Variants in PLCG1 observed in about 807,000 individuals in gnomAD.
PLCG1 encodes the protein 1-phosphatidylinositol 4,5-bisphosphate phosphodiesterase gamma-1.
Under a neutral mutation model 177.8 loss-of-function variants are expected in PLCG1, and 71 were observed. That is an observed-to-expected ratio of 0.40 (90% confidence interval 0.33 to 0.49). The LOEUF is 0.49. Among genes scored for constraint, PLCG1 ranks in the 20% least tolerant of loss-of-function variants. The pLI is 0.72. For synonymous variants in PLCG1, 658 were observed against 647.9 expected, an observed-to-expected ratio of 1.02 and a Z score of -0.24; for missense variants, 1,281 against 1,709.0, an observed-to-expected ratio of 0.75 and a Z score of 4.42.
At position 41,164,145 on chromosome 20, in the gene PLCG1, G is replaced by A; in HGVS notation, c.1161G>A (p.Lys387=). ...ACCATGGGCACACCCTTACCACCAAGATCAAGTTCTCAGATGTCCTGCACA... is the reference window on the plus strand; with the variant it reads ...ACCATGGGCACACCCTTACCACCAAAATCAAGTTCTCAGATGTCCTGCACA... The part of the protein sequence containing the change: ...VIYHGHTLTT[K]IKFSDVLHTI... The change falls in exon 12 of 32, where the codon AAG becomes AAA. Residue 387 remains lysine (K), a synonymous_variant. Transcript: ENST00000685551. The surrounding 1 kb of genome is among the most constrained non-coding windows in gnomAD (Gnocchi z 6.4). The A allele has an allele frequency of 6.2e-7, 1 of 1,614,158 alleles. No individual in the cohort carries two copies. Among genetic ancestry groups the A allele is most frequent in the Non-Finnish European group, 8.5e-7 (1 of 1,180,026 alleles).
At position 41,159,771 on chromosome 20, in the gene PLCG1, G is replaced by C. The variant is rs144327976; in HGVS notation, c.370+13G>C. On this transcript the variant is annotated intron_variant, in intron 2 of 31. Coordinates refer to ENST00000685551, the MANE Select transcript of PLCG1 (RefSeq NM_002660.3). The surrounding 1 kb of genome is among the most constrained non-coding windows in gnomAD (Gnocchi z 6.0). Reference sequence around the variant, plus strand: ...CTGAGCCTGCAAGGTGGGAGTTAAGGGGGTAGAGGAGGTAGAGGATAGTTA... The same window carrying C: ...CTGAGCCTGCAAGGTGGGAGTTAAGCGGGTAGAGGAGGTAGAGGATAGTTA... 3.5e-4 allele frequency: 561 copies of C among 1,614,186 alleles called. 1 individual carries two copies. In the East Asian group the frequency reaches 4.1e-3, roughly 12 times the overall value.
In PLCG1 at chr20:41,174,604, TC is replaced by T. The variant is rs1341935947; in HGVS notation, c.*97del. Reference sequence around the variant, plus strand: ...TGGAAGCAGCCCCCTGTGGCGGCCTTCCGGGTCTCGCAGCCTGAAGCCTGGA... The same window carrying T: ...TGGAAGCAGCCCCCTGTGGCGGCCTTCGGGTCTCGCAGCCTGAAGCCTGGA... On this transcript the variant is annotated 3_prime_UTR_variant, in exon 32 of 32. Coordinates refer to ENST00000685551, the MANE Select transcript of PLCG1 (RefSeq NM_002660.3). The surrounding 1 kb of genome is among the most constrained non-coding windows in gnomAD (Gnocchi z 5.8). 5 of 1,114,524 alleles carry T rather than the reference TC, an allele frequency of 4.5e-6. No homozygotes were observed. The African/African-American group carries it at 6.2e-5, about 14-fold the overall frequency. 69.0% of individuals were successfully genotyped at this position (1,114,524 alleles called of 1,614,324 possible).
In PLCG1 at chr20:41,172,274, C is replaced by G. The variant is rs1198964093; in HGVS notation, c.2890C>G (p.Pro964Ala). ...SELVVYCRPV[P>A]FDEEKIGTER... ...ACTTGTCGTCTACTGCCGGCCTGTTCCCTTTGATGAAGAGAGTAAGGGCCA... is the reference window on the plus strand; with the variant it reads ...ACTTGTCGTCTACTGCCGGCCTGTTGCCTTTGATGAAGAGAGTAAGGGCCA... Residue 964 changes from proline (P) to alanine (A), a missense_variant, in exon 25 of 32, where the codon CCC becomes GCC. This residue lies in a region of PLCG1 where 723 missense variants were observed against 1,030.0 expected (regional missense o/e 0.70). Coordinates refer to ENST00000685551, the MANE Select transcript of PLCG1 (RefSeq NM_002660.3). The surrounding 1 kb of genome is among the most constrained non-coding windows in gnomAD (Gnocchi z 7.0). 3.1e-6 allele frequency: 5 copies of G among 1,613,586 alleles called. No homozygotes were observed. Among genetic ancestry groups the G allele is most frequent in the Non-Finnish European group, 4.2e-6 (5 of 1,179,582 alleles).
rs533431498 is a variant in PLCG1 at position 41,157,276 on chromosome 20, G to A, written c.218-2330G>A. Among the ~76,000 whole-genome samples the A allele has an allele frequency of 4.6e-5, 7 of 151,694 alleles. No homozygotes were observed. The South Asian group carries it at 1.5e-3, about 32-fold the overall frequency. The stretch of plus-strand genomic sequence containing the variant: ...CTCACCTTTGCAAGAAGGTGTGGGA[G>A]GGGGATGACAGCAGCTCCACACCGG... On this transcript the variant is annotated intron_variant, in intron 1 of 31. Coordinates refer to ENST00000685551, the MANE Select transcript of PLCG1 (RefSeq NM_002660.3). This position sits in a 1 kb window ranked among gnomAD's most constrained non-coding sequence, Gnocchi z 5.4.
In PLCG1 at chr20:41,164,824, C is replaced by T. The variant is rs766770657; in HGVS notation, c.1218-109C>T. ...TGCCTCTTTTCTGGGATAGTTTTTA[C>T]AGACAAGAAGCCCCCAGGCCCTTGG... On this transcript the variant is annotated intron_variant, in intron 12 of 31. Coordinates refer to ENST00000685551, the MANE Select transcript of PLCG1 (RefSeq NM_002660.3). The surrounding 1 kb of genome is among the most constrained non-coding windows in gnomAD (Gnocchi z 6.4). 17 of 1,086,110 alleles carry T rather than the reference C, an allele frequency of 1.6e-5. No individual in the cohort carries two copies. The highest frequency in any genetic ancestry group is 4.7e-5 in the South Asian group (3 of 63,228). The allele number at this position is 1,086,110 out of a possible 1,614,324, so 67.3% of individuals were successfully genotyped here. A position where few individuals can be genotyped will look rare whatever the true frequency, so the allele number is the denominator to read the frequency against.
At chr20:41,162,564 A>T (rs1317514290) in intron 5 of PLCG1, 28 bp downstream of exon 5, 10 of 1,611,010 alleles carry the variant, frequency 6.2e-6, no homozygotes, top group Non-Finnish European at 7.6e-6. Flanking sequence ...CTGTCTGTAG[A>T]TGGGGGCAGG....
chr20:41,172,288 G>C lies in PLCG1; in HGVS notation c.2904G>C (p.Glu968Asp), dbSNP rs1451938103. The change falls in exon 25 of 32, where the codon GAG (glutamate) becomes GAC (aspartate). Residue 968 changes from glutamate to aspartate, a missense_variant and splice_region_variant. Glu to Asp is a conservative substitution (Grantham distance 45). Coordinates refer to ENST00000685551, the MANE Select transcript of PLCG1 (RefSeq NM_002660.3). This position sits in a 1 kb window ranked among gnomAD's most constrained non-coding sequence, Gnocchi z 7.0. Reference sequence around the variant, plus strand: ...GCCGGCCTGTTCCCTTTGATGAAGAGAGTAAGGGCCAGGGCCCAGGCGGGG... The same window carrying C: ...GCCGGCCTGTTCCCTTTGATGAAGACAGTAAGGGCCAGGGCCCAGGCGGGG... ...VYCRPVPFDE[E>D]KIGTERACYR... 5 of 1,612,622 alleles carry C rather than the reference G, an allele frequency of 3.1e-6. No individual in the cohort carries two copies. In the Admixed American group the frequency reaches 6.7e-5, roughly 21 times the overall value.
In PLCG1 at chr20:41,162,513, C is replaced by T. The variant is rs1270080384; in HGVS notation, c.574C>T (p.Arg192Cys). 6.2e-7 allele frequency: 1 copy of T among 1,613,754 alleles called. No individual in the cohort carries two copies. The highest frequency in any genetic ancestry group is 8.5e-7 in the Non-Finnish European group (1 of 1,179,902). ...SQVNYRVPNMRFLRERLTDLE... is the reference protein window; with the variant it reads ...SQVNYRVPNMCFLRERLTDLE... ...GGTCAACTACCGGGTCCCCAACATG[C>T]GCTTCCTCCGAGAGCGGCTGACGGT... The change falls in exon 5 of 32, where the codon CGC (arginine) becomes TGC (cysteine). Residue 192 changes from arginine (R) to cysteine (C), a missense_variant. Transcript: ENST00000685551.
Position 41,173,271 on chromosome 20 carries a change from T to C in PLCG1, c.3280-149T>C. On this transcript the variant is annotated intron_variant, in intron 27 of 31. Transcript: ENST00000685551. This position sits in a 1 kb window ranked among gnomAD's most constrained non-coding sequence, Gnocchi z 6.2. ...GCTGCTCTGGACAGCTTAGGGTCCC[T>C]GATGTCGTGAGGGACTCCATGGGCA... The C allele has an allele frequency of 1.3e-6, 1 of 790,690 alleles. No homozygotes were observed. 49.0% of individuals were successfully genotyped at this position (790,690 alleles called of 1,614,324 possible).
In PLCG1 at chr20:41,157,300, G is replaced by A. The variant is rs1262520000; in HGVS notation, c.218-2306G>A. 2.0e-5 allele frequency among the ~76,000 whole-genome samples: 3 copies of A among 151,326 alleles called. No individual in the cohort carries two copies. The highest frequency in any genetic ancestry group is 4.9e-5 in the African/African-American group (2 of 41,002). Reference sequence around the variant, plus strand: ...AGGGGGATGACAGCAGCTCCACACCGGAAGAGCAGACTGGTTTCTGTTTCA... The same window carrying A: ...AGGGGGATGACAGCAGCTCCACACCAGAAGAGCAGACTGGTTTCTGTTTCA... On this transcript the variant is annotated intron_variant, in intron 1 of 31. Transcript: ENST00000685551. This position sits in a 1 kb window ranked among gnomAD's most constrained non-coding sequence, Gnocchi z 5.4.
In PLCG1 at chr20:41,137,658, C is replaced by A; in HGVS notation, c.17C>A (p.Ser6Tyr). 1 of 1,318,604 alleles carries A rather than the reference C, an allele frequency of 7.6e-7. No homozygotes were observed. The highest frequency in any genetic ancestry group is 9.7e-7 in the Non-Finnish European group (1 of 1,033,940). 81.7% of individuals were successfully genotyped at this position (1,318,604 alleles called of 1,614,324 possible). A position where few individuals can be genotyped will look rare whatever the true frequency, so the allele number is the denominator to read the frequency against. ...GTCGGAGCCATGGCGGGCGCCGCGT[C>A]CCCTTGCGCCAACGGCTGCGGGCCC... Reference protein sequence around the residue: MAGAASPCANGCGPGA... With the variant: MAGAAYPCANGCGPGA... The change falls in exon 1 of 32, where the codon TCC becomes TAC. Residue 6 changes from serine to tyrosine, a missense_variant. Around this residue, in one of 4 missense-constraint regions of PLCG1, gnomAD observed 374 missense variants for 443.8 expected, o/e 0.84. Transcript: ENST00000685551. The surrounding 1 kb of genome is among the most constrained non-coding windows in gnomAD (Gnocchi z 7.3).
Position 41,165,291 on chromosome 20 carries a change from C to T in PLCG1, c.1433C>T (p.Ser478Phe). Reference protein sequence around the residue: ...EGSAYEEVPTSMMYSENDISN... With the variant: ...EGSAYEEVPTFMMYSENDISN... ...AGTGCCTACGAGGAGGTGCCTACAT[C>T]CATGATGTACTCTGAGAACGACATC... The change falls in exon 14 of 32, where the codon TCC becomes TTC. Residue 478 changes from serine (S) to phenylalanine (F), a missense_variant. By Grantham distance (155) the Ser-to-Phe change is radical (BLOSUM62 -2). This residue lies in a region of PLCG1 where 723 missense variants were observed against 1,030.0 expected (regional missense o/e 0.70). Coordinates refer to ENST00000685551, the MANE Select transcript of PLCG1 (RefSeq NM_002660.3). This position sits in a 1 kb window ranked among gnomAD's most constrained non-coding sequence, Gnocchi z 6.6. 1.2e-6 allele frequency: 2 copies of T among 1,614,132 alleles called. No individual in the cohort carries two copies. Among genetic ancestry groups the T allele is most frequent in the Non-Finnish European group, 1.7e-6 (2 of 1,179,988 alleles).
intron 1 of PLCG1, among the ~76,000 whole-genome samples, chr20:41,138,872 A>G (rs920137942): frequency 2.6e-5 from 4 of 152,046 alleles, no homozygotes; most frequent in Non-Finnish European, 5.9e-5. Context: ...CTGTGGTCGG[A>G]TGGGCACTCT....
rs36011519 is a variant in PLCG1 at position 41,160,046 on chromosome 20, C to T, written c.465-60C>T. ...GACAGCAGACCTTTGTGTGCCCAGA[C>T]ATCTCCCAGGCCTGACTGTAGATGG... is the stretch of plus-strand genomic sequence containing the variant. On this transcript the variant is annotated intron_variant, in intron 3 of 31. Transcript: ENST00000685551. This position sits in a 1 kb window ranked among gnomAD's most constrained non-coding sequence, Gnocchi z 5.5. 3,767 of 1,602,248 alleles carry T rather than the reference C, an allele frequency of 2.4e-3. 144 individuals carry two copies. In the East Asian group the frequency reaches 0.072, roughly 31 times the overall value.
At position 41,166,104 on chromosome 20, in the gene PLCG1, C is replaced by T; in HGVS notation, c.1800-90C>T. On this transcript the variant is annotated intron_variant, in intron 16 of 31. Coordinates refer to ENST00000685551, the MANE Select transcript of PLCG1 (RefSeq NM_002660.3). This position sits in a 1 kb window ranked among gnomAD's most constrained non-coding sequence, Gnocchi z 8.6. Reference sequence around the variant, plus strand: ...TTGGCCTCCCTCCTTGAGGCTCCCTCCTTGAGTTCCACCCTCATTTGGGGT... The same window carrying T: ...TTGGCCTCCCTCCTTGAGGCTCCCTTCTTGAGTTCCACCCTCATTTGGGGT... The T allele has an allele frequency of 8.4e-7, 1 of 1,191,318 alleles. No individual in the cohort carries two copies. Among genetic ancestry groups the T allele is most frequent in the Non-Finnish European group, 1.2e-6 (1 of 827,680 alleles). 73.8% of individuals were successfully genotyped at this position (1,191,318 alleles called of 1,614,324 possible). A position where few individuals can be genotyped will look rare whatever the true frequency, so the allele number is the denominator to read the frequency against.
At position 41,168,884 on chromosome 20, in the gene PLCG1, G is replaced by GT. The variant is rs757032867; in HGVS notation, c.2483+15dup. 2 of 1,566,784 alleles carry GT rather than the reference G, an allele frequency of 1.3e-6. No individual in the cohort carries two copies. The highest frequency in any genetic ancestry group is 8.8e-7 in the Non-Finnish European group (1 of 1,138,910). On this transcript the variant is annotated intron_variant, in intron 21 of 31. Transcript: ENST00000685551. ...AGAGGGAGGCTGGTAAGCCAGTGGTGTGGTAGGCCCAGAGTCCAAGGGCCC... is the reference window on the plus strand; with the variant it reads ...AGAGGGAGGCTGGTAAGCCAGTGGTGTTGGTAGGCCCAGAGTCCAAGGGCCC...
chr20:41,141,336 G>T (rs1454701547), intron 1 of PLCG1, among the ~76,000 whole-genome samples: 1 of 152,242 alleles, frequency 6.6e-6, no homozygotes, highest in East Asian at 1.9e-4. Flanking sequence ...TTAGGGAAAT[G>T]AAAACAGGCA....
In PLCG1 at chr20:41,164,559, C is replaced by T. The variant is rs1349088461; in HGVS notation, c.1217+358C>T. 1.3e-5 allele frequency among the ~76,000 whole-genome samples: 2 copies of T among 152,104 alleles called. No individual in the cohort carries two copies. Among genetic ancestry groups the T allele is most frequent in the East Asian group, 1.9e-4 (1 of 5,186 alleles). ...TGTCTCTGTTCCCTGTGTCCCATTCCTTCAATTCTGTTTACTGCTTAAACT... is the reference window on the plus strand; with the variant it reads ...TGTCTCTGTTCCCTGTGTCCCATTCTTTCAATTCTGTTTACTGCTTAAACT... On this transcript the variant is annotated intron_variant, in intron 12 of 31. Coordinates refer to ENST00000685551, the MANE Select transcript of PLCG1 (RefSeq NM_002660.3). This position sits in a 1 kb window ranked among gnomAD's most constrained non-coding sequence, Gnocchi z 6.4.
chr20:41,162,663 GA>G lies in PLCG1; in HGVS notation c.620del (p.Asp207AlafsTer32). 1 of 1,614,032 alleles carries G rather than the reference GA, an allele frequency of 6.2e-7. No homozygotes were observed. Among genetic ancestry groups the G allele is most frequent in the Non-Finnish European group, 8.5e-7 (1 of 1,179,966 alleles). On this transcript the variant is annotated frameshift_variant, in exon 6 of 32. Coordinates refer to ENST00000685551, the MANE Select transcript of PLCG1 (RefSeq NM_002660.3). LOFTEE classifies it high-confidence loss of function. ...RLTDLEQRSG[D>X]ITYGQFAQLY... ...GCAGGACCTGGAGCAGCGCAGCGGG[GA>G]CATCACCTACGGGCAGTTTGCTCAG... is the stretch of plus-strand genomic sequence containing the variant.
Sources: gnomAD v4.1 joint callset for allele counts (sites outside exome capture counted in the v4.1 genomes callset) on GRCh38, gnomAD v4.1.1 for gene constraint, gnomAD v4.1.1 regional missense constraint, Gnocchi (gnomAD v3.1) non-coding constraint, MANE v1.5 for transcripts, NCBI Gene and HGNC (gene_info 2026-07-23, HGNC 2026-07-21) for gene names.